SUSD5: variants seen among roughly 807,000 people sequenced by gnomAD.
SUSD5 encodes the protein sushi domain containing 5.
SUSD5 carries 33 observed loss-of-function variants against 29.5 expected under a neutral mutation model. That is an observed-to-expected ratio of 1.12 (90% CI 0.85 to 1.49). The LOEUF is 1.49. Among genes scored for constraint, SUSD5 ranks in the 40% most tolerant of loss-of-function variants. SUSD5 has a pLI of 0.00. For missense variants in SUSD5, 776 were observed against 800.6 expected, an observed-to-expected ratio of 0.97 and a Z score of 0.37; for synonymous variants, 308 against 325.3, an observed-to-expected ratio of 0.95 and a Z score of 0.57.
chr3:33,181,288 A>G (rs2031667912), intron 3 of SUSD5, among the ~76,000 whole-genome samples: 1 of 151,620 alleles, frequency 6.6e-6, no homozygotes, highest in South Asian at 2.1e-4. Context: ...TGACTCAACC[A>G]TGGCAACGTC....
Position 33,218,725 on chromosome 3 carries a change from G to A in SUSD5, c.73C>T (p.Leu25Phe). ...GAAAGGCGCGGCAGACCGAGCAGGA[G>A]CAGCGCCGCCGCCCAGAGCCCGGGG... ...RLPGLWAAAL[L>F]LLGLPRLSVR... The change falls in exon 1 of 5, where the codon CTC becomes TTC. Residue 25 changes from leucine (L) to phenylalanine (F), a missense_variant. Leu to Phe is a conservative substitution (Grantham distance 22). Transcript: ENST00000309558. 1 of 1,347,868 alleles carries A rather than the reference G, an allele frequency of 7.4e-7. No individual in the cohort carries two copies. Among genetic ancestry groups the A allele is most frequent in the Non-Finnish European group, 9.5e-7 (1 of 1,054,862 alleles). 83.5% of individuals were successfully genotyped at this position (1,347,868 alleles called of 1,614,324 possible).
chr3:33,163,512 A>G (rs1463979300), intron 4 of SUSD5, among the ~76,000 whole-genome samples: 1 of 152,214 alleles, frequency 6.6e-6, no homozygotes, highest in African/African-American at 2.4e-5. Flanking sequence ...AATTAGGAAT[A>G]TGAGGAAACT....
In SUSD5 at chr3:33,153,185, T is replaced by C. The variant is rs2030955164; in HGVS notation, c.1447A>G (p.Met483Val). ...GTGAGCTCATAGGACAGGGTGGCCA[T>C]GGGAGATTCCTCTGTGATGAATCTC... ...PWRFITEESP[M>V]ATLSYELTSS... The change falls in exon 5 of 5, where the codon ATG becomes GTG. Residue 483 changes from methionine to valine, a missense_variant. Met to Val is a conservative substitution (Grantham distance 21, BLOSUM62 1). Transcript: ENST00000309558. 1.2e-6 allele frequency: 2 copies of C among 1,613,888 alleles called. No individual in the cohort carries two copies. The highest frequency in any genetic ancestry group is 2.2e-5 in the South Asian group (2 of 91,068).
intron 3 of SUSD5, among the ~76,000 whole-genome samples, chr3:33,191,862 T>A (rs1370440048): frequency 1.3e-5 from 2 of 152,130 alleles, no homozygotes; most frequent in Non-Finnish European, 2.9e-5. Flanking sequence ...GGAGGATCTG[T>A]TGAGCCCAGG....
At chr3:33,180,972 A>T (rs573142662) in intron 3 of SUSD5, among the ~76,000 whole-genome samples, 2 of 151,162 alleles carry the variant, frequency 1.3e-5, no homozygotes, top group East Asian at 3.9e-4. Context: ...GGCATGAGCC[A>T]GCACACCCAG....
chr3:33,176,096 T>C lies in SUSD5; in HGVS notation c.410-1022A>G, dbSNP rs550247101. ...AGAATTCACATAGTTGGAATCATAA[T>C]ACGTAGCCTTTTCAGATTGGCTTCT... On this transcript the variant is annotated intron_variant, in intron 3 of 4. Coordinates refer to ENST00000309558, the MANE Select transcript of SUSD5 (RefSeq NM_015551.2). Among the ~76,000 whole-genome samples, 11 of 152,352 alleles carry C rather than the reference T, an allele frequency of 7.2e-5. No homozygotes were observed. The South Asian group carries it at 1.0e-3, about 14-fold the overall frequency.
At position 33,175,730 on chromosome 3, in the gene SUSD5, A is replaced by G. The variant is rs72859186; in HGVS notation, c.410-656T>C. ...TTCACATCAAAGTTGAGCAGAAAGT[A>G]CAGAGAGTTCCCCTATACCCCCGAC... On this transcript the variant is annotated intron_variant, in intron 3 of 4. Coordinates refer to ENST00000309558, the MANE Select transcript of SUSD5 (RefSeq NM_015551.2). Among the ~76,000 whole-genome samples, 629 of 152,262 alleles carry G rather than the reference A, an allele frequency of 4.1e-3. 2 individuals are homozygous for G. Among genetic ancestry groups the G allele is most frequent in the African/African-American group, 0.014 (577 of 41,552 alleles).
At chr3:33,159,180 G>A (rs182039552) in intron 4 of SUSD5, among the ~76,000 whole-genome samples, 131 of 152,280 alleles carry the variant, frequency 8.6e-4, no homozygotes, top group African/African-American at 3.1e-3. Flanking sequence ...GCAGGCTGTC[G>A]GTGTCAAGGT....
chr3:33,198,336 G>A (rs999834211), intron 3 of SUSD5, among the ~76,000 whole-genome samples: 1 of 152,190 alleles, frequency 6.6e-6, no homozygotes, highest in East Asian at 1.9e-4. Context: ...TTCAAACCCA[G>A]GGATTCTGGG....
At chr3:33,214,697 T>C (rs2032395234) in intron 1 of SUSD5, among the ~76,000 whole-genome samples, 1 of 152,100 alleles carries the variant, frequency 6.6e-6, no homozygotes, top group South Asian at 2.1e-4. Flanking sequence ...TATGGACATG[T>C]AGTGGGCCTC....
intron 3 of SUSD5, among the ~76,000 whole-genome samples, chr3:33,198,311 G>A (rs1251662876): frequency 6.6e-6 from 1 of 152,188 alleles, no homozygotes; most frequent in African/African-American, 2.4e-5. Flanking sequence ...GGCAAGTTAG[G>A]TGGTAGAACC....
At chr3:33,193,267 C>A (rs1382741602) in intron 3 of SUSD5, among the ~76,000 whole-genome samples, 2 of 152,150 alleles carry the variant, frequency 1.3e-5, no homozygotes, top group South Asian at 4.1e-4. Context: ...ACACTATTTG[C>A]ATTGTAGACG....
At chr3:33,178,898 C>T (rs1037304113) in intron 3 of SUSD5, among the ~76,000 whole-genome samples, 1 of 152,030 alleles carries the variant, frequency 6.6e-6, no homozygotes, top group East Asian at 1.9e-4. Flanking sequence ...GGGCTTGATG[C>T]TTTCTTTGGA....
chr3:33,218,711 C>A lies in SUSD5; in HGVS notation c.87G>T (p.Leu29=). The change falls in exon 1 of 5, where the codon CTG becomes CTT. Residue 29 remains leucine, a synonymous_variant. Transcript: ENST00000309558. ...CATCCGCCCGCACCGAAAGGCGCGG[C>A]AGACCGAGCAGGAGCAGCGCCGCCG... ...LWAAALLLLG[L]PRLSVRADGK... is the part of the protein sequence containing the mutation. 7.6e-7 allele frequency: 1 copy of A among 1,323,524 alleles called. No homozygotes were observed. The highest frequency in any genetic ancestry group is 2.0e-5 in the South Asian group (1 of 50,244). 82.0% of individuals were successfully genotyped at this position (1,323,524 alleles called of 1,614,324 possible).
intron 2 of SUSD5, 150 bp from the exon 3 acceptor site, chr3:33,208,076 C>CAA (rs5847778): frequency 2.3e-4 from 133 of 581,968 alleles, no homozygotes; most frequent in Middle Eastern, 9.2e-4. Context: ...ACATTCTCTG[C>CAA]AAAAAAAAGG....
In SUSD5 at chr3:33,157,326, T is replaced by C. The variant is rs148208531; in HGVS notation, c.599-3293A>G. Among the ~76,000 whole-genome samples the C allele has an allele frequency of 5.9e-4, 90 of 152,342 alleles. No homozygotes were observed. The East Asian group carries it at 0.016, about 27-fold the overall frequency. On this transcript the variant is annotated intron_variant, in intron 4 of 4. Transcript: ENST00000309558. ...ATAAATTTTCACCCAACATTCTGAA[T>C]GGGCGTTAGGTTTTGCATTGAAGTA...
Position 33,150,313 on chromosome 3 carries a change from TTAA to T in SUSD5, c.*2426_*2428del, listed in dbSNP as rs1184302315. ...TCTACAAATAAAACATTTACCTGTATTAATAATTTGTAATAAATTTATTAATAC... is the reference window on the plus strand; with the variant it reads ...TCTACAAATAAAACATTTACCTGTATTAATTTGTAATAAATTTATTAATAC... On this transcript the variant is annotated 3_prime_UTR_variant, in exon 5 of 5. Transcript: ENST00000309558. 19 of 152,158 alleles carry T rather than the reference TTAA, an allele frequency of 1.2e-4. No individual in the cohort carries two copies. Among genetic ancestry groups the T allele is most frequent in the Non-Finnish European group, 2.4e-4 (16 of 68,034 alleles). The allele number at this position is 152,158 out of a possible 1,614,324, so 9.4% of individuals were successfully genotyped here.
chr3:33,203,722 G>A (rs2032162880), intron 3 of SUSD5, among the ~76,000 whole-genome samples: 1 of 152,142 alleles, frequency 6.6e-6, no homozygotes, highest in Admixed American at 6.5e-5. Context: ...GAACACATCC[G>A]GACAGTTTGC....
intron 4 of SUSD5, among the ~76,000 whole-genome samples, chr3:33,170,589 C>T (rs1438679338): frequency 2.0e-5 from 3 of 152,222 alleles, no homozygotes; most frequent in African/African-American, 7.2e-5. Context: ...CCCTCCTACA[C>T]CATCCACTCC....
Sources: gnomAD v4.1 joint callset for allele counts (sites outside exome capture counted in the v4.1 genomes callset) on GRCh38, gnomAD v4.1.1 for gene constraint, MANE v1.5 for transcripts, NCBI Gene and HGNC (gene_info 2026-07-23, HGNC 2026-07-21) for gene names.